CDH18: variants seen among roughly 807,000 people sequenced by gnomAD.
CDH18 encodes cadherin 18, also known as cadherin-18.
In CDH18, 31 loss-of-function variants were observed where a neutral mutation model predicts 67.9. The ratio of observed to expected loss-of-function variants is 0.46; its 90% CI spans 0.34 to 0.62. CDH18 has a LOEUF of 0.62. CDH18 is among the 20% of genes least tolerant of loss of function. CDH18 has a pLI of 0.01. For missense variants in CDH18, 890 were observed against 975.5 expected, an observed-to-expected ratio of 0.91 and a Z score of 1.17; for synonymous variants, 362 against 347.2, an observed-to-expected ratio of 1.04 and a Z score of -0.48.
At chr5:19,671,768 T>C (rs565755886) in intron 5 of CDH18, among the ~76,000 whole-genome samples, 18 of 152,090 alleles carry the variant, frequency 1.2e-4, no homozygotes, top group Non-Finnish European at 1.8e-4. Flanking sequence ...ATGTGTACAA[T>C]GGAGAAACCT....
intron 1 of CDH18, among the ~76,000 whole-genome samples, chr5:20,362,559 T>C (rs1742168877): frequency 6.6e-6 from 1 of 152,142 alleles, no homozygotes; most frequent in Non-Finnish European, 1.5e-5. Context: ...TCTACTTGGC[T>C]TTGGAAGTTG....
chr5:20,574,134 C>T (rs945366248), intron 1 of CDH18, among the ~76,000 whole-genome samples: 1 of 151,286 alleles, frequency 6.6e-6, no homozygotes, highest in Non-Finnish European at 1.5e-5. Flanking sequence ...TGTAATAATA[C>T]TTGCATTATT....
intron 2 of CDH18, among the ~76,000 whole-genome samples, chr5:20,178,510 A>G (rs567859857): frequency 1.2e-4 from 18 of 151,574 alleles, no homozygotes; most frequent in African/African-American, 4.1e-4. Flanking sequence ...AAGAAAAAAA[A>G]AAACATGAAA....
chr5:20,336,724 CAAAAAAA>C lies in CDH18; in HGVS notation c.-579-81226_-579-81220del, dbSNP rs59083214. On this transcript the variant is annotated intron_variant, in intron 1 of 14. Transcript: ENST00000507958. ...GGCAACAGAGAGGGAGCCTCTGTCTCAAAAAAAAAAAAAAAAAAAAAAAAAAAAAAAG... is the reference window on the plus strand; with the variant it reads ...GGCAACAGAGAGGGAGCCTCTGTCTCAAAAAAAAAAAAAAAAAAAAAAAAG... 5.8e-3 allele frequency among the ~76,000 whole-genome samples: 365 copies of C among 63,450 alleles called. 1 individual carries two copies. The highest frequency in any genetic ancestry group is 0.03 in the Middle Eastern group (2 of 66). 41.6% of individuals were successfully genotyped at this position (63,450 alleles called of 152,430 possible).
At chr5:20,099,754 C>T (rs1329173095) in intron 2 of CDH18, among the ~76,000 whole-genome samples, 1 of 152,060 alleles carries the variant, frequency 6.6e-6, no homozygotes, top group Non-Finnish European at 1.5e-5. Context: ...AAAGTGTTTT[C>T]TTAGTTTTCT....
intron 5 of CDH18, among the ~76,000 whole-genome samples, chr5:19,621,652 G>A (rs1166203963): frequency 3.3e-5 from 5 of 152,108 alleles, no homozygotes; most frequent in Non-Finnish European, 7.4e-5. Flanking sequence ...AGAATAAATG[G>A]TGGTTTTCCA....
intron 1 of CDH18, among the ~76,000 whole-genome samples, chr5:20,494,406 G>A (rs942531833): frequency 2.0e-5 from 3 of 152,036 alleles, no homozygotes; most frequent in Non-Finnish European, 2.9e-5. Context: ...GAGGTTGTGA[G>A]AAAGTAGATA....
At chr5:19,921,175 C>A (rs1792403729) in intron 2 of CDH18, among the ~76,000 whole-genome samples, 1 of 152,020 alleles carries the variant, frequency 6.6e-6, no homozygotes. Context: ...TAATTATGAA[C>A]TGGATGTGAC....
At chr5:19,995,761 A>G (rs1165522781) in intron 2 of CDH18, among the ~76,000 whole-genome samples, 1 of 152,138 alleles carries the variant, frequency 6.6e-6, no homozygotes, top group Non-Finnish European at 1.5e-5. Context: ...TGCTTCCCTT[A>G]TAGCAGAAAG....
chr5:20,346,209 A>G (rs1273506219), intron 1 of CDH18, among the ~76,000 whole-genome samples: 2 of 152,212 alleles, frequency 1.3e-5, no homozygotes, highest in Non-Finnish European at 2.9e-5. Flanking sequence ...GGAGACTAAC[A>G]ACATGGAACA....
chr5:20,071,090 G>A (rs991902616), intron 2 of CDH18, among the ~76,000 whole-genome samples: 3 of 152,038 alleles, frequency 2.0e-5, no homozygotes. Flanking sequence ...TGAAATTAAG[G>A]TGCAAATCAC....
In CDH18 at chr5:20,198,601, A is replaced by AT. The variant is rs924225981; in HGVS notation, c.-518+56842dup. Reference sequence around the variant, plus strand: ...ATGATGCGGTAGAAAAAAGAAACCCATTTTTTTAAGAAAATGCAAGCCTGC... The same window carrying AT: ...ATGATGCGGTAGAAAAAAGAAACCCATTTTTTTTAAGAAAATGCAAGCCTGC... On this transcript the variant is annotated intron_variant, in intron 2 of 14. Transcript: ENST00000507958. 1.2e-3 allele frequency among the ~76,000 whole-genome samples: 188 copies of AT among 152,186 alleles called. 2 individuals carry two copies. The highest frequency in any genetic ancestry group is 4.3e-3 in the African/African-American group (177 of 41,542).
At chr5:19,823,020 C>T (rs1301041866) in intron 3 of CDH18, among the ~76,000 whole-genome samples, 1 of 152,124 alleles carries the variant, frequency 6.6e-6, no homozygotes, top group African/African-American at 2.4e-5. Flanking sequence ...AAAAAGAATT[C>T]AGTGATATTT....
At chr5:20,357,466 C>G (rs931100112) in intron 1 of CDH18, among the ~76,000 whole-genome samples, 17 of 152,062 alleles carry the variant, frequency 1.1e-4, no homozygotes, top group Non-Finnish European at 1.0e-4. Flanking sequence ...AACTAAATAA[C>G]TTTCTATTGT....
At chr5:20,269,321 A>G (rs1745270614) in intron 1 of CDH18, among the ~76,000 whole-genome samples, 1 of 151,558 alleles carries the variant, frequency 6.6e-6, no homozygotes, top group African/African-American at 2.4e-5. Flanking sequence ...CAGTATTGAT[A>G]TTTATCAAAG....
Position 19,479,054 on chromosome 5 carries a change from A to G in CDH18, c.1882+4247T>C, listed in dbSNP as rs369683592. 7.9e-5 allele frequency among the ~76,000 whole-genome samples: 12 copies of G among 152,332 alleles called. No individual in the cohort carries two copies. The East Asian group carries it at 1.9e-3, about 25-fold the overall frequency. ...CGACCATGTTGTAAAATGTTGAACC[A>G]TATGCAATCTTTAATAAAACAAGAA... On this transcript the variant is annotated intron_variant, in intron 12 of 12. Transcript: ENST00000382275.
chr5:20,222,449 A>G (rs144600102), intron 2 of CDH18, among the ~76,000 whole-genome samples: 1,644 of 152,276 alleles, frequency 0.011, 31 homozygotes, highest in African/African-American at 0.037. Context: ...TGGTATATGT[A>G]GGATTTTCAT....
chr5:19,599,210 C>T (rs375394689), intron 6 of CDH18, among the ~76,000 whole-genome samples: 38 of 151,858 alleles, frequency 2.5e-4, no homozygotes, highest in African/African-American at 5.8e-4. Context: ...ATATAATAGA[C>T]GCAACATATT....
intron 1 of CDH18, among the ~76,000 whole-genome samples, chr5:20,337,721 C>A (rs1056580364): frequency 1.3e-5 from 2 of 152,208 alleles, no homozygotes; most frequent in African/African-American, 4.8e-5. Context: ...ACAATTCCAA[C>A]CTCTGCCTGT....
Sources: allele counts gnomAD v4.1 joint callset (sites outside exome capture counted in the v4.1 genomes callset), GRCh38; gene constraint gnomAD v4.1.1; transcripts MANE v1.5; gene names NCBI Gene and HGNC (gene_info 2026-07-23, HGNC 2026-07-21).